CDIN1: variants seen among roughly 807,000 people sequenced by gnomAD.
The protein encoded by CDIN1 is CDAN1 interacting nuclease 1, also known as CDAN1-interacting nuclease 1.
A neutral mutation model predicts 45.3 loss-of-function variants in CDIN1; 33 were observed. That is an observed-to-expected ratio of 0.73 (90% CI 0.55 to 0.97). The LOEUF (loss-of-function observed/expected upper bound fraction) is 0.97, where lower values mean the gene tolerates loss of function less well. Among genes scored for constraint, CDIN1 ranks in the 50% least tolerant of loss-of-function variants. The pLI is 0.00. For synonymous variants in CDIN1, 118 were observed against 124.4 expected, an observed-to-expected ratio of 0.95 and a Z score of 0.34; for missense variants, 303 against 339.4, an observed-to-expected ratio of 0.89 and a Z score of 0.84.
At chr15:36,678,519 G>A (rs1343882391) in intron 5 of CDIN1, among the ~76,000 whole-genome samples, 2 of 152,156 alleles carry the variant, frequency 1.3e-5, no homozygotes, top group African/African-American at 4.8e-5. Flanking sequence ...CTGTTCAGTT[G>A]CAGAGTCTGT....
At chr15:36,614,940 C>A (rs553592281) in intron 1 of CDIN1, among the ~76,000 whole-genome samples, 1 of 152,130 alleles carries the variant, frequency 6.6e-6, no homozygotes, top group African/African-American at 2.4e-5. Flanking sequence ...TGGATCATGT[C>A]CCCCCTTATG....
chr15:36,750,208 C>A (rs1286404544), intron 10 of CDIN1, among the ~76,000 whole-genome samples: 1 of 151,872 alleles, frequency 6.6e-6, no homozygotes, highest in Non-Finnish European at 1.5e-5. Flanking sequence ...TTGTATGTTC[C>A]TTATGGCAAA....
At position 36,683,815 on chromosome 15, in the gene CDIN1, T is replaced by C. The variant is rs1201519832; in HGVS notation, c.347-7870T>C. Among the ~76,000 whole-genome samples, 15 of 84,534 alleles carry C rather than the reference T, an allele frequency of 1.8e-4. No individual in the cohort carries two copies. In the South Asian group the frequency reaches 4.2e-3, roughly 23 times the overall value. 55.5% of individuals were successfully genotyped at this position (84,534 alleles called of 152,430 possible). On this transcript the variant is annotated intron_variant, in intron 5 of 10. Coordinates refer to ENST00000566621, the MANE Select transcript of CDIN1 (RefSeq NM_001321759.2). ...TCACATCCCTTGTAAGTTGGATTCC[T>C]AGGTATTTTATTCTCTTTGAAGCAA...
chr15:36,723,674 C>A (rs920059955), intron 10 of CDIN1, among the ~76,000 whole-genome samples: 2 of 152,178 alleles, frequency 1.3e-5, no homozygotes, highest in Non-Finnish European at 2.9e-5. Context: ...AGGCGATCTT[C>A]CCACCTCTGT....
chr15:36,717,891 T>C (rs1489845425), intron 10 of CDIN1, among the ~76,000 whole-genome samples: 2 of 152,122 alleles, frequency 1.3e-5, no homozygotes, highest in East Asian at 3.9e-4. Context: ...TGTAAAAATG[T>C]GTTAATGTGA....
chr15:36,695,049 A>G (rs1020440200), intron 7 of CDIN1, among the ~76,000 whole-genome samples: 1 of 152,204 alleles, frequency 6.6e-6, no homozygotes, highest in Non-Finnish European at 1.5e-5. Context: ...AAGCACAGCC[A>G]TGTGCCTTGG....
chr15:36,765,087 G>A (rs1174657239), intron 10 of CDIN1, among the ~76,000 whole-genome samples: 5 of 126,510 alleles, frequency 4.0e-5, no homozygotes, highest in East Asian at 2.4e-4. Context: ...ATGGAGTCTC[G>A]CTCCGTCATT....
At chr15:36,749,831 G>A (rs1293038242) in intron 10 of CDIN1, among the ~76,000 whole-genome samples, 1 of 152,188 alleles carries the variant, frequency 6.6e-6, no homozygotes, top group Admixed American at 6.5e-5. Flanking sequence ...GAGGACACAG[G>A]TTCTGAAGGA....
chr15:36,720,186 G>A (rs1213725017), intron 10 of CDIN1, among the ~76,000 whole-genome samples: 3 of 149,062 alleles, frequency 2.0e-5, no homozygotes, highest in African/African-American at 7.4e-5. Context: ...TTCCTAAGGT[G>A]GAAAACTGAA....
At chr15:36,737,029 G>C (rs551137570) in intron 10 of CDIN1, among the ~76,000 whole-genome samples, 70 of 151,964 alleles carry the variant, frequency 4.6e-4, no homozygotes, top group African/African-American at 1.5e-3. Flanking sequence ...TTAGCCAGGC[G>C]TGGTGGCACA....
intron 10 of CDIN1, among the ~76,000 whole-genome samples, chr15:36,732,466 T>C (rs1184694596): frequency 6.6e-6 from 1 of 152,152 alleles, no homozygotes; most frequent in African/African-American, 2.4e-5. Flanking sequence ...CTAGAAATTA[T>C]TAATTTTCTT....
intron 1 of CDIN1, among the ~76,000 whole-genome samples, chr15:36,590,049 G>A (rs2037502294): frequency 6.6e-6 from 1 of 151,992 alleles, no homozygotes; most frequent in Non-Finnish European, 1.5e-5. Context: ...GTCCTTCTTC[G>A]TAAGCCAGAG....
intron 10 of CDIN1, among the ~76,000 whole-genome samples, chr15:36,797,224 T>G (rs1297481302): frequency 1.3e-5 from 2 of 152,196 alleles, no homozygotes; most frequent in African/African-American, 4.8e-5. Flanking sequence ...ATCTCTTCAC[T>G]CATCTTAAAC....
intron 1 of CDIN1, among the ~76,000 whole-genome samples, chr15:36,624,268 A>G (rs2039323828): frequency 6.6e-6 from 1 of 152,182 alleles, no homozygotes; most frequent in African/African-American, 2.4e-5. Flanking sequence ...GCCATCTAAG[A>G]TTGGATTTAT....
intron 5 of CDIN1, among the ~76,000 whole-genome samples, chr15:36,682,957 A>G (rs1165717340): frequency 6.6e-6 from 1 of 152,146 alleles, no homozygotes; most frequent in African/African-American, 2.4e-5. Flanking sequence ...GAATTGTGTA[A>G]AAAAAGAGCA....
intron 5 of CDIN1, among the ~76,000 whole-genome samples, chr15:36,663,020 A>G (rs1194719597): frequency 1.3e-5 from 2 of 152,096 alleles, no homozygotes; most frequent in Admixed American, 6.6e-5. Flanking sequence ...TGCCCAACTT[A>G]TGATCCTGTC....
At chr15:36,703,335 A>C (rs1399020686) in intron 8 of CDIN1, among the ~76,000 whole-genome samples, 1 of 112,886 alleles carries the variant, frequency 8.9e-6, no homozygotes, top group Non-Finnish European at 1.8e-5. Flanking sequence ...TATCAGATAG[A>C]TCTATCAGAT....
intron 10 of CDIN1, among the ~76,000 whole-genome samples, chr15:36,751,357 A>G (rs945726320): frequency 2.0e-5 from 3 of 150,256 alleles, no homozygotes. Flanking sequence ...CCTGAAAACA[A>G]TGTTCTAAAA....
At chr15:36,717,427 T>C (rs1332434145) in intron 10 of CDIN1, among the ~76,000 whole-genome samples, 1 of 152,174 alleles carries the variant, frequency 6.6e-6, no homozygotes, top group Non-Finnish European at 1.5e-5. Context: ...ATGCAGCATG[T>C]ACTTCTTTTT....
Sources: gnomAD v4.1 joint callset for allele counts (sites outside exome capture counted in the v4.1 genomes callset) on GRCh38, gnomAD v4.1.1 for gene constraint, MANE v1.5 for transcripts, NCBI Gene and HGNC (gene_info 2026-07-23, HGNC 2026-07-21) for gene names.